Variants in ZBTB38 observed in about 807,000 individuals in gnomAD.
ZBTB38 encodes zinc finger and BTB domain containing 38.
In ZBTB38, 20 loss-of-function variants were observed where a neutral mutation model predicts 76.8. The ratio of observed to expected loss-of-function variants is 0.26; its 90% CI spans 0.18 to 0.38. ZBTB38 has a LOEUF of 0.38. ZBTB38 is among the 10% of genes least tolerant of loss of function. The pLI is 1.00. For missense variants in ZBTB38, 1,082 were observed against 1,482.3 expected, an observed-to-expected ratio of 0.73 and a Z score of 4.43; for synonymous variants, 504 against 544.2, an observed-to-expected ratio of 0.93 and a Z score of 1.03.
At chr3:141,425,766 C>T (rs1053976415) in intron 5 of ZBTB38, among the ~76,000 whole-genome samples, 1 of 152,222 alleles carries the variant, frequency 6.6e-6, no homozygotes, top group Non-Finnish European at 1.5e-5. Flanking sequence ...AAGCTAAGTT[C>T]TTTATGTTTT....
At chr3:141,419,187 G>A (rs887759063) in intron 5 of ZBTB38, among the ~76,000 whole-genome samples, 6 of 152,156 alleles carry the variant, frequency 3.9e-5, no homozygotes, top group Non-Finnish European at 8.8e-5. Flanking sequence ...GAGAGCAAAG[G>A]GGGAAGTGCC....
chr3:141,356,453 A>C (rs1309735006), intron 1 of ZBTB38, among the ~76,000 whole-genome samples: 1 of 152,148 alleles, frequency 6.6e-6, no homozygotes, highest in African/African-American at 2.4e-5. Flanking sequence ...CAGTAGGGTA[A>C]GAAAATATGC....
chr3:141,382,554 AT>A (rs1946349748), intron 3 of ZBTB38, among the ~76,000 whole-genome samples: 1 of 152,200 alleles, frequency 6.6e-6, no homozygotes, highest in Non-Finnish European at 1.5e-5. Flanking sequence ...TAAAATAAAC[AT>A]TCCATCTGAA....
chr3:141,340,899 A>AAAAAG (rs1205251617), intron 1 of ZBTB38, among the ~76,000 whole-genome samples: 5 of 95,064 alleles, frequency 5.3e-5, no homozygotes, highest in Non-Finnish European at 8.3e-5. Flanking sequence ...TCTGTCTCCA[A>AAAAAG]AAAAGAAAAG....
chr3:141,377,575 C>T (rs1285827197), intron 2 of ZBTB38, among the ~76,000 whole-genome samples: 1 of 152,116 alleles, frequency 6.6e-6, no homozygotes, highest in Non-Finnish European at 1.5e-5. Context: ...ATATACTTAC[C>T]ACGTGATCCA....
At position 141,432,291 on chromosome 3, in the gene ZBTB38, C is replaced by T. The variant is rs1253537575; in HGVS notation, c.1-10098C>T. On this transcript the variant is annotated intron_variant, in intron 5 of 5. Transcript: ENST00000321464. ...TTCTTTTTTTAGTTAGGTTTTATTT[C>T]TACGTTTCTTTTTATAGAAGACAAC... 4.1e-6 allele frequency: 4 copies of T among 984,538 alleles called. No individual in the cohort carries two copies. The African/African-American group carries it at 7.0e-5, about 17-fold the overall frequency. The allele number at this position is 984,538 out of a possible 1,614,324, so 61.0% of individuals were successfully genotyped here. A position where few individuals can be genotyped will look rare whatever the true frequency, so the allele number is the denominator to read the frequency against.
At chr3:141,369,519 A>G (rs1206355374) in intron 1 of ZBTB38, among the ~76,000 whole-genome samples, 1 of 152,220 alleles carries the variant, frequency 6.6e-6, no homozygotes, top group Non-Finnish European at 1.5e-5. Flanking sequence ...CTACCCAAGA[A>G]AGTTAAGTTC....
At chr3:141,415,901 A>T (rs2073924462) in intron 5 of ZBTB38, among the ~76,000 whole-genome samples, 1 of 152,122 alleles carries the variant, frequency 6.6e-6, no homozygotes, top group Non-Finnish European at 1.5e-5. Context: ...GGAAGGTCCT[A>T]TTTTAGGGGA....
At chr3:141,429,478 A>C (rs2077038405) in intron 5 of ZBTB38, among the ~76,000 whole-genome samples, 1 of 152,098 alleles carries the variant, frequency 6.6e-6, no homozygotes, top group Admixed American at 6.5e-5. Flanking sequence ...TTTGTGTTTC[A>C]AATGCATGGT....
chr3:141,398,871 T>C (rs1951008651), intron 4 of ZBTB38, among the ~76,000 whole-genome samples: 1 of 152,190 alleles, frequency 6.6e-6, no homozygotes, highest in Non-Finnish European at 1.5e-5. Context: ...AAAAAACCAA[T>C]TTATTTGTTC....
chr3:141,416,176 C>G (rs971035466), intron 5 of ZBTB38, among the ~76,000 whole-genome samples: 3 of 152,136 alleles, frequency 2.0e-5, no homozygotes, highest in African/African-American at 7.2e-5. Context: ...CTGGAAACTA[C>G]TAGGGTGGTG....
chr3:141,374,785 G>C (rs756200132), intron 2 of ZBTB38, among the ~76,000 whole-genome samples: 1 of 151,958 alleles, frequency 6.6e-6, no homozygotes, highest in Non-Finnish European at 1.5e-5. Context: ...ACATTTTAAT[G>C]TATCAGTTTT....
At chr3:141,436,171 G>A (rs910500883) in intron 5 of ZBTB38, among the ~76,000 whole-genome samples, 1 of 152,132 alleles carries the variant, frequency 6.6e-6, no homozygotes. Context: ...TAAAGTCAAC[G>A]AATACTGTTT....
intron 5 of ZBTB38, among the ~76,000 whole-genome samples, chr3:141,412,414 T>A (rs947858714): frequency 6.6e-6 from 1 of 152,188 alleles, no homozygotes; most frequent in Admixed American, 6.5e-5. Flanking sequence ...TACGAGCATT[T>A]GTTTTCTAAA....
chr3:141,372,735 G>A (rs1944819215), intron 2 of ZBTB38, among the ~76,000 whole-genome samples: 1 of 152,028 alleles, frequency 6.6e-6, no homozygotes, highest in Non-Finnish European at 1.5e-5. Context: ...TTAAGAATAT[G>A]TGCCAGATTT....
Position 141,336,790 on chromosome 3 carries a change from G to A in ZBTB38, c.-739+12334G>A, listed in dbSNP as rs116486807. Among the ~76,000 whole-genome samples the A allele has an allele frequency of 4.3e-3, 648 of 152,320 alleles. 5 individuals are homozygous for A. Among genetic ancestry groups the A allele is most frequent in the African/African-American group, 0.015 (620 of 41,556 alleles). On this transcript the variant is annotated intron_variant, in intron 1 of 7. Transcript: ENST00000509842. ...CATGGTAGGACATTTAGCATCCCCC[G>A]TCCCTGGGGAACTAAATGCCAGTAG...
At position 141,413,865 on chromosome 3, in the gene ZBTB38, A is replaced by G. The variant is rs2073264680; in HGVS notation, c.-1+9834A>G. On this transcript the variant is annotated intron_variant, in intron 5 of 5. Transcript: ENST00000321464. The surrounding 1 kb of genome is among the most constrained non-coding windows in gnomAD (Gnocchi z 4.1). ...CCACTCTGTCTCTGAAGATTTACGT[A>G]GAGAAATTTTCCCCATAGGAATGGA... Among the ~76,000 whole-genome samples, 1 of 152,244 alleles carries G rather than the reference A, an allele frequency of 6.6e-6. No homozygotes were observed.
intron 1 of ZBTB38, among the ~76,000 whole-genome samples, chr3:141,329,011 G>A (rs1030890591): frequency 7.9e-5 from 12 of 152,038 alleles, no homozygotes; most frequent in East Asian, 1.9e-4. Context: ...TCCCCCAGTC[G>A]TGCATAGCTC....
chr3:141,372,550 G>A (rs1032535236), intron 2 of ZBTB38, among the ~76,000 whole-genome samples: 1 of 151,944 alleles, frequency 6.6e-6, no homozygotes, highest in Non-Finnish European at 1.5e-5. Flanking sequence ...TACTTGGGAG[G>A]CTGAGGCAGG....
Sources: allele counts gnomAD v4.1 joint callset (sites outside exome capture counted in the v4.1 genomes callset), GRCh38; gene constraint gnomAD v4.1.1; non-coding constraint Gnocchi (gnomAD v3.1); transcripts MANE v1.5; gene names NCBI Gene and HGNC (gene_info 2026-07-23, HGNC 2026-07-21).